The following ZNRD2 variants were observed in gnomAD, a reference collection of about 807,000 sequenced individuals.
ZNRD2 encodes the protein protein ZNRD2.
A neutral mutation model predicts 22.0 loss-of-function variants in ZNRD2; 16 were observed. That is an observed-to-expected ratio of 0.73 (90% CI 0.49 to 1.11). The LOEUF (loss-of-function observed/expected upper bound fraction) is 1.11, where lower values mean the gene tolerates loss of function less well. Among genes scored for constraint, ZNRD2 ranks in the 50% least tolerant of loss-of-function variants. The probability of loss-of-function intolerance (pLI) is 0.00; values close to 1 mark genes in which losing one functional copy is unlikely to be tolerated. For synonymous variants in ZNRD2, 105 were observed against 109.8 expected, an observed-to-expected ratio of 0.96 and a Z score of 0.27; for missense variants, 269 against 258.9, an observed-to-expected ratio of 1.04 and a Z score of -0.27.
chr11:65,571,550 C>G lies in ZNRD2; in HGVS notation c.416C>G (p.Pro139Arg). The G allele has an allele frequency of 6.2e-7, 1 of 1,614,044 alleles. No individual in the cohort carries two copies. Among genetic ancestry groups the G allele is most frequent in the Non-Finnish European group, 8.5e-7 (1 of 1,180,042 alleles). The change falls in exon 4 of 4, where the codon CCT (proline) becomes CGT (arginine). Residue 139 changes from proline (P) to arginine (R), a missense_variant. Pro to Arg is a moderately radical substitution (Grantham distance 103, BLOSUM62 -2). Transcript: ENST00000309328. ...AAGLKAAQGP[P>R]APAVPPNTDV... ...GGACTCAAGGCAGCCCAGGGGCCACCTGCTCCTGCTGTGCCTCCAAATACA... is the reference window on the plus strand; with the variant it reads ...GGACTCAAGGCAGCCCAGGGGCCACGTGCTCCTGCTGTGCCTCCAAATACA...
At position 65,570,701 on chromosome 11, in the gene ZNRD2, C is replaced by T. The variant is rs1363288706; in HGVS notation, c.117C>T (p.Gly39=). Residue 39 remains glycine (G), a synonymous_variant, in exon 2 of 4, where the codon GGC becomes GGT. Transcript: ENST00000309328. ...AAGATCGCATCTCCCGGCTCATGGGCGACTATCTGCTGCGCGGTTACCGCA... is the reference window on the plus strand; with the variant it reads ...AAGATCGCATCTCCCGGCTCATGGGTGACTATCTGCTGCGCGGTTACCGCA... The part of the protein sequence containing the change: ...ERQDRISRLM[G]DYLLRGYRML... The T allele has an allele frequency of 6.2e-7, 1 of 1,613,830 alleles. No homozygotes were observed. Among genetic ancestry groups the T allele is most frequent in the Non-Finnish European group, 8.5e-7 (1 of 1,179,962 alleles).
chr11:65,570,959 A>C lies in ZNRD2; in HGVS notation c.245A>C (p.Lys82Thr). The C allele has an allele frequency of 6.2e-7, 1 of 1,614,094 alleles. No homozygotes were observed. The highest frequency in any genetic ancestry group is 8.5e-7 in the Non-Finnish European group (1 of 1,179,962). Residue 82 changes from lysine (K) to threonine (T), a missense_variant, in exon 3 of 4, where the codon AAA becomes ACA. Transcript: ENST00000309328. ...CAGGAACTCGACTCAGACGTGGATAAAGATAATCCCGGTAAGAGTAAAAAA... is the reference window on the plus strand; with the variant it reads ...CAGGAACTCGACTCAGACGTGGATACAGATAATCCCGGTAAGAGTAAAAAA... The part of the protein sequence containing the change: ...ACQELDSDVD[K>T]DNPALNAQAA...
chr11:65,571,885 C>A lies in ZNRD2; in HGVS notation c.*151C>A. ...CACCTCTCCACTCTGCTCTCCTTGA[C>A]GCCCTGAGATGAGTTGAGCTTGTTT... On this transcript the variant is annotated 3_prime_UTR_variant, in exon 4 of 4. Coordinates refer to ENST00000309328, the MANE Select transcript of ZNRD2 (RefSeq NM_006396.3). The A allele has an allele frequency of 8.6e-7, 1 of 1,169,408 alleles. No homozygotes were observed. 72.4% of individuals were successfully genotyped at this position (1,169,408 alleles called of 1,614,324 possible). A position where few individuals can be genotyped will look rare whatever the true frequency, so the allele number is the denominator to read the frequency against.
Position 65,571,462 on chromosome 11 carries a change from G to A in ZNRD2, c.328G>A (p.Gly110Ser). 1.9e-6 allele frequency: 3 copies of A among 1,613,520 alleles called. No homozygotes were observed. Among genetic ancestry groups the A allele is most frequent in the Non-Finnish European group, 2.5e-6 (3 of 1,179,910 alleles). Residue 110 changes from glycine to serine, a missense_variant, in exon 4 of 4, where the codon GGC becomes AGC. Physicochemically the swap from Gly to Ser is moderately conservative, Grantham distance 56. Transcript: ENST00000309328. The part of the protein sequence containing the change: ...QLASASELPL[G>S]SRPAPQPPVP... ...GGCCTCAGCCTCAGAGCTCCCCCTGGGCTCTCGACCTGCGCCCCAGCCCCC... is the reference window on the plus strand; with the variant it reads ...GGCCTCAGCCTCAGAGCTCCCCCTGAGCTCTCGACCTGCGCCCCAGCCCCC...
At chr11:65,570,855 A>T in intron 2 of ZNRD2, 31 bp from the exon 3 acceptor site, 1 of 1,614,032 alleles carries the variant, frequency 6.2e-7, no homozygotes, top group Non-Finnish European at 8.5e-7. Context: ...CCGGCGTCTC[A>T]TTCCGGCCCC....
Position 65,571,412 on chromosome 11 carries a change from T to G in ZNRD2, c.278T>G (p.Leu93Arg). The G allele has an allele frequency of 6.2e-7, 1 of 1,602,652 alleles. No homozygotes were observed. Among genetic ancestry groups the G allele is most frequent in the Non-Finnish European group, 8.5e-7 (1 of 1,172,316 alleles). The change falls in exon 4 of 4, where the codon CTC (leucine) becomes CGC (arginine). Residue 93 changes from leucine to arginine, a missense_variant. Leu to Arg is a moderately radical substitution (Grantham distance 102). Transcript: ENST00000309328. ...TTAGCTCTGAATGCCCAGGCTGCCC[T>G]CTCCCAAGCTCGGGAGCACCAGCTG... ...DNPALNAQAA[L>R]SQAREHQLAS...
chr11:65,571,709 G>C lies in ZNRD2; in HGVS notation c.575G>C (p.Arg192Pro). ...GLIRACAEAL[R>P]SLQQLQH ...ATCCGCGCATGTGCGGAGGCCCTGCGCAGCCTGCAGCAGCTACAGCACTAA... is the reference window on the plus strand; with the variant it reads ...ATCCGCGCATGTGCGGAGGCCCTGCCCAGCCTGCAGCAGCTACAGCACTAA... The change falls in exon 4 of 4, where the codon CGC becomes CCC. Residue 192 changes from arginine (R) to proline (P), a missense_variant. Coordinates refer to ENST00000309328, the MANE Select transcript of ZNRD2 (RefSeq NM_006396.3). 1 of 1,610,490 alleles carries C rather than the reference G, an allele frequency of 6.2e-7. No individual in the cohort carries two copies. The highest frequency in any genetic ancestry group is 8.5e-7 in the Non-Finnish European group (1 of 1,178,044).
chr11:65,570,535 T>C (rs1375565014), intron 1 of ZNRD2, 25 bp downstream of exon 1: 1 of 1,613,942 alleles, frequency 6.2e-7, no homozygotes, highest in Non-Finnish European at 8.5e-7. Context: ...GGCAGGGGTT[T>C]GTGGCTGTGA....
intron 2 of ZNRD2, 25 bp from the exon 3 acceptor site, chr11:65,570,861 G>A (rs773776822): frequency 2.9e-5 from 46 of 1,613,884 alleles, no homozygotes; most frequent in Middle Eastern, 1.6e-4. Context: ...TCTCATTCCG[G>A]CCCCGTGTGC....
chr11:65,570,559 G>T (rs749299240), intron 1 of ZNRD2, 45 bp from the exon 2 acceptor site: 1 of 1,613,900 alleles, frequency 6.2e-7, no homozygotes, highest in Admixed American at 1.7e-5. Flanking sequence ...ACGGGAGGCA[G>T]CCCACTCCGG....
chr11:65,571,753 A>T lies in ZNRD2; in HGVS notation c.*19A>T. Reference sequence around the variant, plus strand: ...GCACTAAGAGAAGCCCCTGAGAAAAACCCTCTAGAAAAACAGCTGTTCCTC... The same window carrying T: ...GCACTAAGAGAAGCCCCTGAGAAAATCCCTCTAGAAAAACAGCTGTTCCTC... On this transcript the variant is annotated 3_prime_UTR_variant, in exon 4 of 4. Transcript: ENST00000309328. 6.4e-7 allele frequency: 1 copy of T among 1,552,840 alleles called. No individual in the cohort carries two copies. Among genetic ancestry groups the T allele is most frequent in the East Asian group, 2.3e-5 (1 of 43,046 alleles).
chr11:65,570,666 C>T lies in ZNRD2; in HGVS notation c.82C>T (p.Arg28Trp). 2.5e-6 allele frequency: 4 copies of T among 1,613,832 alleles called. No individual in the cohort carries two copies. The highest frequency in any genetic ancestry group is 3.4e-6 in the Non-Finnish European group (4 of 1,179,970). The change falls in exon 2 of 4, where the codon CGG (arginine) becomes TGG (tryptophan). Residue 28 changes from arginine to tryptophan, a missense_variant. Coordinates refer to ENST00000309328, the MANE Select transcript of ZNRD2 (RefSeq NM_006396.3). ...GGAGACGAAGGTGCTGCAGGCGCGACGGGAGCGGCAAGATCGCATCTCCCG... is the reference window on the plus strand; with the variant it reads ...GGAGACGAAGGTGCTGCAGGCGCGATGGGAGCGGCAAGATCGCATCTCCCG... ...EAETKVLQAR[R>W]ERQDRISRLM...
Position 65,571,779 on chromosome 11 carries a change from T to C in ZNRD2, c.*45T>C, listed in dbSNP as rs764480778. 174 of 1,498,542 alleles carry C rather than the reference T, an allele frequency of 1.2e-4. No homozygotes were observed. Among genetic ancestry groups the C allele is most frequent in the Non-Finnish European group, 1.5e-4 (170 of 1,123,508 alleles). The allele number at this position is 1,498,542 out of a possible 1,614,324, so 92.8% of individuals were successfully genotyped here. A position where few individuals can be genotyped will look rare whatever the true frequency, so the allele number is the denominator to read the frequency against. On this transcript the variant is annotated 3_prime_UTR_variant, in exon 4 of 4. Transcript: ENST00000309328. ...CCCTCTAGAAAAACAGCTGTTCCTC[T>C]GTGTGGTTTGTTTTTTTCCTGGTTC... is the stretch of plus-strand genomic sequence containing the variant.
chr11:65,570,793 C>G (rs376857521), intron 2 of ZNRD2, 38 bp downstream of exon 2: 24 of 1,612,122 alleles, frequency 1.5e-5, no homozygotes, highest in Non-Finnish European at 2.0e-5. Flanking sequence ...GGGATGGGTC[C>G]GCGGGCCAGG....
Position 65,570,929 on chromosome 11 carries a change from C to T in ZNRD2, c.215C>T (p.Ala72Val), listed in dbSNP as rs151282759. ...QDKQRKIYCV[A>V]CQELDSDVDK... is the part of the protein sequence containing the mutation. Reference sequence around the variant, plus strand: ...AAACAGCGGAAAATCTACTGCGTGGCTTGTCAGGAACTCGACTCAGACGTG... The same window carrying T: ...AAACAGCGGAAAATCTACTGCGTGGTTTGTCAGGAACTCGACTCAGACGTG... The change falls in exon 3 of 4, where the codon GCT (alanine) becomes GTT (valine). Residue 72 changes from alanine to valine, a missense_variant. Ala to Val is a moderately conservative substitution (Grantham distance 64). Transcript: ENST00000309328. 45 of 1,614,020 alleles carry T rather than the reference C, an allele frequency of 2.8e-5. No homozygotes were observed. The highest frequency in any genetic ancestry group is 3.6e-5 in the Non-Finnish European group (43 of 1,180,022).
chr11:65,571,072 C>T, intron 3 of ZNRD2, 102 bp downstream of exon 3: 1 of 1,126,396 alleles, frequency 8.9e-7, no homozygotes, highest in South Asian at 1.4e-5. Flanking sequence ...TGAGAGGTGA[C>T]AGTGGAGTCT....
At chr11:65,570,563 A>G (rs1151496) in intron 1 of ZNRD2, 41 bp from the exon 2 acceptor site, 430,042 of 1,613,380 alleles carry the variant, frequency 0.27, 59,846 homozygotes, top group African/African-American at 0.45. Context: ...GAGGCAGCCC[A>G]CTCCGGCAAG....
At position 65,570,866 on chromosome 11, in the gene ZNRD2, G is replaced by T. The variant is rs1022731818; in HGVS notation, c.172-20G>T. On this transcript the variant is annotated intron_variant, in intron 2 of 3. Transcript: ENST00000309328. ...ATTGCCGGCGTCTCATTCCGGCCCC[G>T]TGTGCTTTTTGGTCCGTAGACGATC... The T allele has an allele frequency of 4.3e-6, 7 of 1,613,948 alleles. No individual in the cohort carries two copies. The highest frequency in any genetic ancestry group is 4.0e-5 in the African/African-American group (3 of 74,930).
intron 3 of ZNRD2, 125 bp downstream of exon 3, chr11:65,571,095 G>A (rs1341844790): frequency 3.2e-6 from 3 of 947,756 alleles, no homozygotes; most frequent in Non-Finnish European, 4.7e-6. Context: ...GGGTGGGGTA[G>A]AAGTAAAATT....
Sources: allele counts gnomAD v4.1 joint callset, GRCh38; gene constraint gnomAD v4.1.1; transcripts MANE v1.5; gene names NCBI Gene and HGNC (gene_info 2026-07-23, HGNC 2026-07-21).